ABI3BP: variants seen among roughly 807,000 people sequenced by gnomAD.
ABI3BP encodes ABI family member 3 binding protein.
In ABI3BP, 216 loss-of-function variants were observed where a neutral mutation model predicts 268.6. That is an observed-to-expected ratio of 0.80 (90% CI 0.72 to 0.90). The LOEUF is 0.90. Among genes scored for constraint, ABI3BP ranks in the 40% least tolerant of loss-of-function variants. The pLI is 0.00. For missense variants in ABI3BP, 2,090 were observed against 2,182.4 expected, an observed-to-expected ratio of 0.96 and a Z score of 0.84; for synonymous variants, 730 against 730.0, an observed-to-expected ratio of 1.00 and a Z score of 0.00.
At position 100,811,225 on chromosome 3, in the gene ABI3BP, A is replaced by G. The variant is rs1245577523; in HGVS notation, c.3541+5T>C. On this transcript the variant is annotated splice_donor_5th_base_variant and intron_variant, in intron 48 of 67. Transcript: ENST00000471714. ...CACCCAGGGTTGGGCTACCGAGGTT[A>G]TTACCTAGTGTGGTCTCAGGTGGTT... 2.6e-6 allele frequency: 4 copies of G among 1,533,500 alleles called. No individual in the cohort carries two copies. Among genetic ancestry groups the G allele is most frequent in the Non-Finnish European group, 3.5e-6 (4 of 1,145,452 alleles). 95.0% of individuals were successfully genotyped at this position (1,533,500 alleles called of 1,614,324 possible). A position where few individuals can be genotyped will look rare whatever the true frequency, so the allele number is the denominator to read the frequency against.
At chr3:100,878,555 A>G (rs1581630890) in intron 6 of ABI3BP, among the ~76,000 whole-genome samples, 1 of 152,354 alleles carries the variant, frequency 6.6e-6, no homozygotes, top group Middle Eastern at 3.4e-3. Context: ...TGGCAACAGG[A>G]GGAAAATAGT....
Position 100,846,382 on chromosome 3 carries a change from G to C in ABI3BP, c.1713C>G (p.His571Gln), listed in dbSNP as rs752793138. ...GTTTAGGGTAATTACCAGGTTTGGT[G>C]TGTGTCACTTCTGGGCTGAGAGGGA... ...PKIPLSPEVT[H>Q]TKPAPEPQTL... The change falls in exon 20 of 68, where the codon CAC becomes CAG. Residue 571 changes from histidine to glutamine, a missense_variant. By Grantham distance (24) the His-to-Gln change is conservative (BLOSUM62 0). Coordinates refer to ENST00000471714, the MANE Select transcript of ABI3BP (RefSeq NM_001375547.2). The C allele has an allele frequency of 6.3e-7, 1 of 1,598,558 alleles. No individual in the cohort carries two copies. Among genetic ancestry groups the C allele is most frequent in the South Asian group, 1.1e-5 (1 of 87,570 alleles).
At position 100,898,842 on chromosome 3, in the gene ABI3BP, C is replaced by T. The variant is rs1423263244; in HGVS notation, c.381G>A (p.Pro127=). 7 of 1,613,468 alleles carry T rather than the reference C, an allele frequency of 4.3e-6. No individual in the cohort carries two copies. Among genetic ancestry groups the T allele is most frequent in the East Asian group, 2.2e-5 (1 of 44,830 alleles). Residue 127 remains proline, a synonymous_variant, in exon 4 of 68, where the codon CCG becomes CCA. Coordinates refer to ENST00000471714, the MANE Select transcript of ABI3BP (RefSeq NM_001375547.2). ...PLQLVVGTLT[P]SSVFLSWGFL... is the part of the protein sequence containing the mutation. ...AACCCCAGGACAGGAAGACCGAGCT[C>T]GGTGTCAGAGTGCCAACCACCAGCT...
intron 62 of ABI3BP, among the ~76,000 whole-genome samples, chr3:100,767,618 C>G (rs1306610335): frequency 6.7e-6 from 1 of 149,678 alleles, no homozygotes; most frequent in Non-Finnish European, 1.5e-5. Flanking sequence ...AAAAAGGAAA[C>G]CAAACAGCTT....
intron 1 of ABI3BP, among the ~76,000 whole-genome samples, chr3:100,979,100 T>C (rs7643050): frequency 0.16 from 24,772 of 152,128 alleles, 2,121 homozygotes; most frequent in Middle Eastern, 0.22. Flanking sequence ...AGTCAGAAAC[T>C]CTGGGGATGG....
intron 4 of ABI3BP, among the ~76,000 whole-genome samples, chr3:100,897,750 A>G (rs2048396916): frequency 6.6e-6 from 1 of 152,220 alleles, no homozygotes; most frequent in African/African-American, 2.4e-5. Flanking sequence ...GTACACTAAT[A>G]TTTATGCATT....
chr3:100,878,927 T>C (rs1343725713), intron 6 of ABI3BP, among the ~76,000 whole-genome samples: 1 of 152,234 alleles, frequency 6.6e-6, no homozygotes, highest in East Asian at 1.9e-4. Context: ...ATTTCTGGGG[T>C]ACGATGTGAT....
intron 9 of ABI3BP, among the ~76,000 whole-genome samples, chr3:100,868,403 A>C (rs142149891): frequency 3.7e-4 from 56 of 152,322 alleles, no homozygotes; most frequent in African/African-American, 1.3e-3. Context: ...AAGGGACAAA[A>C]TTGCTCCCTG....
chr3:100,959,217 G>A (rs529828834), intron 1 of ABI3BP, among the ~76,000 whole-genome samples: 12 of 152,228 alleles, frequency 7.9e-5, no homozygotes, highest in South Asian at 2.1e-4. Flanking sequence ...TGGGCCGGGC[G>A]CGGTGGCTCA....
rs868278124 is a variant in ABI3BP, at chr3:100,914,513, G to C, written c.259+11789C>G. ...CTGCTGGGATTCCAGAATGTTCACA[G>C]GCCTGTTCTGAAGGGAGCTCACAGC... On this transcript the variant is annotated intron_variant, in intron 2 of 67. Coordinates refer to ENST00000471714, the MANE Select transcript of ABI3BP (RefSeq NM_001375547.2). 14 of 449,556 alleles carry C rather than the reference G, an allele frequency of 3.1e-5. No homozygotes were observed. The Middle Eastern group carries it at 1.6e-3, about 53-fold the overall frequency. The allele number at this position is 449,556 out of a possible 1,614,324, so 27.8% of individuals were successfully genotyped here. A position where few individuals can be genotyped will look rare whatever the true frequency, so the allele number is the denominator to read the frequency against.
intron 8 of ABI3BP, among the ~76,000 whole-genome samples, chr3:100,875,169 T>C (rs1193339403): frequency 6.6e-6 from 1 of 152,172 alleles, no homozygotes; most frequent in Admixed American, 6.5e-5. Context: ...GACTCAAAAA[T>C]TGTATAATGG....
In ABI3BP at chr3:100,866,932, G is replaced by C; in HGVS notation, c.935C>G (p.Pro312Arg). 1 of 1,613,802 alleles carries C rather than the reference G, an allele frequency of 6.2e-7. No homozygotes were observed. The highest frequency in any genetic ancestry group is 1.3e-5 in the African/African-American group (1 of 75,032). ...QLAKNETLAL[P>R]AESKTPEVEK... ...AACCTCTGGTGTTTTAGATTCGGCA[G>C]GTAATGCCAAGGTTTCATTCTTAGC... The change falls in exon 10 of 68, where the codon CCT (proline) becomes CGT (arginine). Residue 312 changes from proline (P) to arginine (R), a missense_variant. Transcript: ENST00000471714.
intron 24 of ABI3BP, among the ~76,000 whole-genome samples, chr3:100,839,223 G>A (rs1042199707): frequency 9.2e-5 from 14 of 152,342 alleles, no homozygotes; most frequent in Middle Eastern, 6.8e-3. Flanking sequence ...CCATGGCACT[G>A]GAGTAAAATT....
intron 46 of ABI3BP, 33 bp downstream of exon 46, chr3:100,812,434 T>A: frequency 7.8e-7 from 1 of 1,279,992 alleles, no homozygotes; most frequent in Non-Finnish European, 9.9e-7. Flanking sequence ...GAAAAGCACA[T>A]ATGCTTGACT....
chr3:100,842,120 C>T (rs1238359932), intron 20 of ABI3BP, 81 bp from the exon 21 acceptor site: 16 of 1,196,752 alleles, frequency 1.3e-5, no homozygotes, highest in Middle Eastern at 1.9e-4. Flanking sequence ...TGACTATAAA[C>T]GGAGTTCTCT....
intron 38 of ABI3BP, 144 bp downstream of exon 38, chr3:100,822,445 T>C (rs2098258240): frequency 7.9e-6 from 5 of 631,710 alleles, no homozygotes; most frequent in African/African-American, 1.8e-5. Flanking sequence ...CTCTTACATC[T>C]TCACAGTGGG....
At chr3:100,843,946 GA>G in intron 20 of ABI3BP, 1 of 985,264 alleles carries the variant, frequency 1.0e-6, no homozygotes, top group Non-Finnish European at 1.2e-6. Flanking sequence ...CTGCATTTTT[GA>G]GTTCCTGGCT....
At chr3:100,802,302 T>G (rs773896573) in intron 51 of ABI3BP, among the ~76,000 whole-genome samples, 23 of 152,214 alleles carry the variant, frequency 1.5e-4, no homozygotes, top group Non-Finnish European at 3.4e-4. Context: ...TCCTGATGAC[T>G]GAAACCTATC....
chr3:100,966,722 A>G (rs938556725), intron 1 of ABI3BP, among the ~76,000 whole-genome samples: 1 of 152,236 alleles, frequency 6.6e-6, no homozygotes, highest in Non-Finnish European at 1.5e-5. Flanking sequence ...TCCATCACAC[A>G]TGAAACAGAT....
Sources: allele counts gnomAD v4.1 joint callset (sites outside exome capture counted in the v4.1 genomes callset), GRCh38; gene constraint gnomAD v4.1.1; transcripts MANE v1.5; gene names NCBI Gene and HGNC (gene_info 2026-07-23, HGNC 2026-07-21).